The following GJC1 variants were observed in gnomAD, a reference collection of about 807,000 sequenced individuals.
GJC1 encodes the protein gap junction gamma-1 protein.
In GJC1, 5 loss-of-function variants were observed where a neutral mutation model predicts 29.3. The observed-to-expected ratio is 0.17, with a 90% confidence interval of 0.09 to 0.36. The LOEUF (loss-of-function observed/expected upper bound fraction) is 0.36, where lower values mean the gene tolerates loss of function less well. Among genes scored for constraint, GJC1 ranks in the 10% least tolerant of loss-of-function variants. The probability of loss-of-function intolerance (pLI) is 1.00; values close to 1 mark genes in which losing one functional copy is unlikely to be tolerated. For synonymous variants in GJC1, 177 were observed against 183.3 expected (o/e 0.97, Z 0.28); for missense variants, 310 against 496.2 (o/e 0.62, Z 3.56).
At chr17:44,794,289 TGTC>T (rs1389181026), downstream of GJC1, 1 of 152,256 alleles carries the variant, frequency 6.6e-6, no homozygotes, top group Non-Finnish European at 1.5e-5. Flanking sequence ...TGCGGATCCT[TGTC>T]GACGCTTCCA....
In GJC1 at chr17:44,804,373, T is replaced by G; in HGVS notation, c.*254A>C. The G allele has an allele frequency of 2.2e-6, 1 of 449,656 alleles. No individual in the cohort carries two copies. The highest frequency in any genetic ancestry group is 3.9e-6 in the Non-Finnish European group (1 of 254,874). 27.9% of individuals were successfully genotyped at this position (449,656 alleles called of 1,614,324 possible). ...AAGAATGATTTAAATATGTCTGTTC[T>G]TCTCCAGATCTGGAAGACACAAATG... is the stretch of plus-strand genomic sequence containing the variant. On this transcript the variant is annotated 3_prime_UTR_variant, in exon 3 of 3. Coordinates refer to ENST00000592524, the MANE Select transcript of GJC1 (RefSeq NM_005497.4).
At chr17:44,825,737 T>C (rs77941635) in intron 1 of GJC1, among the ~76,000 whole-genome samples, 20,980 of 150,166 alleles carry the variant, frequency 0.14, 1,541 homozygotes, top group African/African-American at 0.19. Flanking sequence ...ATCGTGCCAC[T>C]GCACTCCACC....
rs199992383 is a variant in GJC1, at chr17:44,804,776, G to A, written c.1042C>T (p.Arg348Cys). Residue 348 changes from arginine (R) to cysteine (C), a missense_variant, in exon 3 of 3, where the codon CGC becomes TGC. Transcript: ENST00000592524. ...LQREIRMAQERLDLAVQAYSH... is the reference protein window; with the variant it reads ...LQREIRMAQECLDLAVQAYSH... ...TAGGCCTGAACTGCCAGATCCAAGC[G>A]TTCCTGAGCCATCCTGATCTCCCGC... 7.4e-6 allele frequency: 12 copies of A among 1,614,174 alleles called. No individual in the cohort carries two copies. The highest frequency in any genetic ancestry group is 4.5e-5 in the East Asian group (2 of 44,890).
chr17:44,804,737 T>G lies in GJC1; in HGVS notation c.1081A>C (p.Asn361His). ...TTCTTCTCCCGGGGACCATGAGGGTTGTTTTGGTGACTGTAGGCCTGAACT... is the reference window on the plus strand; with the variant it reads ...TTCTTCTCCCGGGGACCATGAGGGTGGTTTTGGTGACTGTAGGCCTGAACT... ...LAVQAYSHQN[N>H]PHGPREKKAK... The change falls in exon 3 of 3, where the codon AAC becomes CAC. Residue 361 changes from asparagine to histidine, a missense_variant. Around this residue, in one of 4 missense-constraint regions of GJC1, gnomAD observed 146 missense variants for 165.0 expected, o/e 0.88. Coordinates refer to ENST00000592524, the MANE Select transcript of GJC1 (RefSeq NM_005497.4). 1 of 1,614,160 alleles carries G rather than the reference T, an allele frequency of 6.2e-7. No homozygotes were observed. Among genetic ancestry groups the G allele is most frequent in the Non-Finnish European group, 8.5e-7 (1 of 1,180,026 alleles).
At chr17:44,830,914 C>T (rs1254851599), upstream of GJC1, 3 of 384,198 alleles carry the variant, frequency 7.8e-6, no homozygotes, top group Non-Finnish European at 1.4e-5. The surrounding 1 kb of genome is among the most constrained non-coding windows in gnomAD (Gnocchi z 4.3). Flanking sequence ...ATTCAGAGGA[C>T]TTGGGAAAAA....
rs770353465 is a variant in GJC1 at position 44,804,750 on chromosome 17, G to A, written c.1068C>T (p.Tyr356=). The change falls in exon 3 of 3, where the codon TAC becomes TAT. Residue 356 remains tyrosine, a synonymous_variant. Transcript: ENST00000592524. ...GACCATGAGGGTTGTTTTGGTGACT[G>A]TAGGCCTGAACTGCCAGATCCAAGC... The part of the protein sequence containing the change: ...QERLDLAVQA[Y]SHQNNPHGPR... 2.5e-6 allele frequency: 4 copies of A among 1,614,198 alleles called. No individual in the cohort carries two copies. Among genetic ancestry groups the A allele is most frequent in the Admixed American group, 3.3e-5 (2 of 60,004 alleles).
At chr17:44,823,870 CCTGG>C (rs1230007926) in intron 1 of GJC1, among the ~76,000 whole-genome samples, 2 of 151,422 alleles carry the variant, frequency 1.3e-5, no homozygotes, top group African/African-American at 2.4e-5. Flanking sequence ...TGCCACCACA[CCTGG>C]CTAATTTTTT....
chr17:44,830,555 A>T (rs1322212831), upstream of GJC1: 6 of 397,952 alleles, frequency 1.5e-5, no homozygotes, highest in African/African-American at 8.2e-5. The surrounding 1 kb of genome is among the most constrained non-coding windows in gnomAD (Gnocchi z 4.3). Context: ...CATTCTTCCA[A>T]GCTGATTTTC....
downstream of GJC1, among the ~76,000 whole-genome samples, chr17:44,797,126 GAC>G (rs1262104184): frequency 6.6e-6 from 1 of 151,770 alleles, no homozygotes; most frequent in African/African-American, 2.4e-5. Flanking sequence ...TTTTTTTTGA[GAC>G]AGAGCCTAGC....
intron 1 of GJC1, among the ~76,000 whole-genome samples, chr17:44,810,064 A>G (rs2145317609): frequency 6.8e-6 from 1 of 146,078 alleles, no homozygotes; most frequent in Admixed American, 6.9e-5. Flanking sequence ...GGGTTTCACC[A>G]TGTTAGCCAA....
rs528379113 is a variant in GJC1, at chr17:44,826,543, A to T, written c.-97+3519T>A. On this transcript the variant is annotated intron_variant, in intron 1 of 2. Coordinates refer to ENST00000592524, the MANE Select transcript of GJC1 (RefSeq NM_005497.4). Reference sequence around the variant, plus strand: ...AGACTCCGTCTAAAAAAAAAAAAAAAAAGTAAAATGCTATCTGCAAAGAGA... The same window carrying T: ...AGACTCCGTCTAAAAAAAAAAAAAATAAGTAAAATGCTATCTGCAAAGAGA... 8.3e-3 allele frequency among the ~76,000 whole-genome samples: 1,270 copies of T among 152,144 alleles called. 9 individuals carry two copies. Among genetic ancestry groups the T allele is most frequent in the Non-Finnish European group, 0.013 (915 of 68,008 alleles).
intron 1 of GJC1, among the ~76,000 whole-genome samples, chr17:44,827,325 A>C (rs2079512): frequency 0.033 from 5,038 of 151,852 alleles, 171 homozygotes; most frequent in African/African-American, 0.07. Context: ...TAAGAGCTAA[A>C]CTCCGTCTCA....
intron 2 of GJC1, among the ~76,000 whole-genome samples, chr17:44,806,268 C>T (rs1163809225): frequency 3.3e-5 from 5 of 152,144 alleles, no homozygotes; most frequent in Non-Finnish European, 7.3e-5. Context: ...AAGGTCAATT[C>T]ACCTCAGTCA....
At chr17:44,813,703 G>A (rs2145331503) in intron 1 of GJC1, among the ~76,000 whole-genome samples, 1 of 152,022 alleles carries the variant, frequency 6.6e-6, no homozygotes, top group East Asian at 1.9e-4. Context: ...ATGTTGGCCA[G>A]GCTGGTCTCC....
rs1390787283 is a variant in GJC1 at position 44,799,319 on chromosome 17, C to G, written c.*5308G>C. On this transcript the variant is annotated 3_prime_UTR_variant, in exon 3 of 3. Transcript: ENST00000592524. ...CTTCCAGGTTCAAGGAAATCTCATG[C>G]CTCAACATCCCGAGTAGCTGGGATT... The G allele has an allele frequency of 6.6e-6, 1 of 152,192 alleles. No individual in the cohort carries two copies. Among genetic ancestry groups the G allele is most frequent in the South Asian group, 2.1e-4 (1 of 4,824 alleles). 9.4% of individuals were successfully genotyped at this position (152,192 alleles called of 1,614,324 possible). A position where few individuals can be genotyped will look rare whatever the true frequency, so the allele number is the denominator to read the frequency against.
rs1202491384 is a variant in GJC1 at position 44,802,081 on chromosome 17, G to A, written c.*2546C>T. 1 of 152,158 alleles carries A rather than the reference G, an allele frequency of 6.6e-6. No individual in the cohort carries two copies. Among genetic ancestry groups the A allele is most frequent in the African/African-American group, 2.4e-5 (1 of 41,424 alleles). 9.4% of individuals were successfully genotyped at this position (152,158 alleles called of 1,614,324 possible). A position where few individuals can be genotyped will look rare whatever the true frequency, so the allele number is the denominator to read the frequency against. ...AGATTTTAAAAGTGTGTGCATGTGG[G>A]GAGGTGACAGAATATCTTTATATGT... On this transcript the variant is annotated 3_prime_UTR_variant, in exon 3 of 3. Transcript: ENST00000592524.
chr17:44,828,970 A>AT (rs35836914), intron 1 of GJC1, among the ~76,000 whole-genome samples: 7 of 151,510 alleles, frequency 4.6e-5, no homozygotes, highest in Admixed American at 2.7e-4. Context: ...ATGTAGTTTG[A>AT]TTTTTTATAG....
downstream of GJC1, chr17:44,797,932 T>G (rs539642520): frequency 6.6e-6 from 1 of 152,358 alleles, no homozygotes; most frequent in South Asian, 2.1e-4. Flanking sequence ...CTATCCCGTG[T>G]CTGAGGGAAC....
rs1270438932 is a variant in GJC1, at chr17:44,801,187, G to C, written c.*3440C>G. 1 of 152,222 alleles carries C rather than the reference G, an allele frequency of 6.6e-6. No individual in the cohort carries two copies. The highest frequency in any genetic ancestry group is 1.9e-4 in the East Asian group (1 of 5,196). The allele number at this position is 152,222 out of a possible 1,614,324, so 9.4% of individuals were successfully genotyped here. On this transcript the variant is annotated 3_prime_UTR_variant, in exon 3 of 3. Transcript: ENST00000592524. The stretch of plus-strand genomic sequence containing the variant: ...TAATCCCAGCTACTCGGGAGGCTGA[G>C]GCAGGAGAATCGCTTGAACCCAGGA...
Sources: gnomAD v4.1 joint callset for allele counts (sites outside exome capture counted in the v4.1 genomes callset) on GRCh38, gnomAD v4.1.1 for gene constraint, gnomAD v4.1.1 regional missense constraint, Gnocchi (gnomAD v3.1) non-coding constraint, MANE v1.5 for transcripts, NCBI Gene and HGNC (gene_info 2026-07-23, HGNC 2026-07-21) for gene names.